Variants in CHST3 observed in about 807,000 individuals in gnomAD.
The protein encoded by CHST3 is C6ST-1.
Under a neutral mutation model 35.4 loss-of-function variants are expected in CHST3, and 20 were observed. The ratio of observed to expected loss-of-function variants is 0.57; its 90% CI spans 0.40 to 0.82. The LOEUF is 0.82. Among genes scored for constraint, CHST3 ranks in the 40% least tolerant of loss-of-function variants. The pLI is 0.00. For missense variants in CHST3, 693 were observed against 670.1 expected, an observed-to-expected ratio of 1.03 and a Z score of -0.38; for synonymous variants, 334 against 295.9, an observed-to-expected ratio of 1.13 and a Z score of -1.32.
At chr10:71,973,009 G>A (rs897314233) in intron 1 of CHST3, among the ~76,000 whole-genome samples, 8 of 152,242 alleles carry the variant, frequency 5.3e-5, no homozygotes, top group African/African-American at 1.2e-4. Flanking sequence ...TGTAGCCCCC[G>A]ACTTAGCAGT....
intron 1 of CHST3, among the ~76,000 whole-genome samples, chr10:72,003,885 A>G (rs571535766): frequency 6.6e-6 from 1 of 152,056 alleles, no homozygotes; most frequent in South Asian, 2.1e-4. Flanking sequence ...AGACCCTGTT[A>G]GATATTATCT....
intron 1 of CHST3, among the ~76,000 whole-genome samples, chr10:71,971,331 C>A (rs1293866337): frequency 6.6e-6 from 1 of 152,228 alleles, no homozygotes; most frequent in Non-Finnish European, 1.5e-5. Flanking sequence ...CGCACGTCCA[C>A]ATGTTCGTAT....
intron 1 of CHST3, among the ~76,000 whole-genome samples, chr10:71,994,283 T>A (rs921623848): frequency 1.3e-5 from 2 of 151,392 alleles, no homozygotes. Flanking sequence ...AAAAAAAAAT[T>A]AATTAATTAA....
Position 72,009,199 on chromosome 10 carries a change from G to A in CHST3, c.*728G>A, listed in dbSNP as rs1392644197. ...CTTCCTCGCTGCTTATGCCCACAGG[G>A]TTTTTCTGTATGACACACCTCAGAG... On this transcript the variant is annotated 3_prime_UTR_variant, in exon 3 of 3. Coordinates refer to ENST00000373115, the MANE Select transcript of CHST3 (RefSeq NM_004273.5). The A allele has an allele frequency of 2.0e-5, 3 of 152,232 alleles. No homozygotes were observed. Among genetic ancestry groups the A allele is most frequent in the Non-Finnish European group, 2.9e-5 (2 of 68,054 alleles). 9.4% of individuals were successfully genotyped at this position (152,232 alleles called of 1,614,324 possible).
chr10:71,965,010 G>A (rs904680662), intron 1 of CHST3, among the ~76,000 whole-genome samples: 1 of 152,188 alleles, frequency 6.6e-6, no homozygotes, highest in Non-Finnish European at 1.5e-5. Context: ...TCCTGGGAGC[G>A]CGGGGGATTT....
intron 1 of CHST3, among the ~76,000 whole-genome samples, chr10:71,967,909 C>A (rs1480711101): frequency 6.6e-6 from 1 of 151,950 alleles, no homozygotes; most frequent in Non-Finnish European, 1.5e-5. Context: ...GCAACTTCCA[C>A]CTCCCAGGTT....
intron 1 of CHST3, among the ~76,000 whole-genome samples, chr10:71,995,195 T>A (rs1326258416): frequency 1.3e-5 from 2 of 152,034 alleles, no homozygotes; most frequent in African/African-American, 2.4e-5. Context: ...GAGGCTGAGG[T>A]GGGCAGATCA....
intron 1 of CHST3, among the ~76,000 whole-genome samples, chr10:72,000,988 G>A (rs1235189134): frequency 2.6e-5 from 4 of 152,122 alleles, no homozygotes; most frequent in Non-Finnish European, 5.9e-5. Flanking sequence ...GGACGCCGTC[G>A]GGAGCATTAT....
chr10:71,997,874 G>C (rs546465693), intron 1 of CHST3, among the ~76,000 whole-genome samples: 2 of 152,038 alleles, frequency 1.3e-5, no homozygotes, highest in South Asian at 4.2e-4. Flanking sequence ...CACCATGTTG[G>C]CCAGGCTGGT....
At chr10:71,975,703 A>G (rs952537347) in intron 1 of CHST3, among the ~76,000 whole-genome samples, 4 of 152,222 alleles carry the variant, frequency 2.6e-5, no homozygotes, top group African/African-American at 9.6e-5. Context: ...GAATCAAGCC[A>G]GGGGCCCAGT....
chr10:71,977,119 C>G (rs1232401938), intron 1 of CHST3, among the ~76,000 whole-genome samples: 2 of 152,202 alleles, frequency 1.3e-5, no homozygotes, highest in Non-Finnish European at 2.9e-5. Flanking sequence ...TCCAGCTCTT[C>G]CCGAGGACTG....
chr10:72,008,316 C>T lies in CHST3; in HGVS notation c.1285C>T (p.Arg429Cys). The T allele has an allele frequency of 6.3e-7, 1 of 1,580,360 alleles. No homozygotes were observed. Among genetic ancestry groups the T allele is most frequent in the Non-Finnish European group, 8.6e-7 (1 of 1,163,708 alleles). Residue 429 changes from arginine (R) to cysteine (C), a missense_variant, in exon 3 of 3, where the codon CGC becomes TGC. Arg to Cys is a radical substitution (Grantham distance 180). Transcript: ENST00000373115. ...CTCCTCGGAGCAGTTCGAGAAGTGG[C>T]GCTTCAGCATGCCCTTCAAGCTGGC... is the stretch of plus-strand genomic sequence containing the variant. ...KNSSEQFEKW[R>C]FSMPFKLAQV...
In CHST3 at chr10:71,964,503, G is replaced by C. The variant is rs1195698425; in HGVS notation, c.-299G>C. The C allele has an allele frequency of 1.3e-5, 2 of 152,112 alleles. No individual in the cohort carries two copies. Among genetic ancestry groups the C allele is most frequent in the Admixed American group, 6.5e-5 (1 of 15,274 alleles). 9.4% of individuals were successfully genotyped at this position (152,112 alleles called of 1,614,324 possible). On this transcript the variant is annotated 5_prime_UTR_variant, in exon 1 of 3. Transcript: ENST00000373115. ...CCGCTTCCCTTCCAGCGTGCCGACC[G>C]GCCCCGCAGCGCCTCCATCCCTCCG...
At chr10:71,991,731 G>A (rs952572598) in intron 1 of CHST3, among the ~76,000 whole-genome samples, 2 of 152,040 alleles carry the variant, frequency 1.3e-5, no homozygotes, top group Non-Finnish European at 1.5e-5. Context: ...TCAGGAGTTC[G>A]AGACCACCCT....
At chr10:71,990,904 A>G (rs1223834718) in intron 1 of CHST3, among the ~76,000 whole-genome samples, 3 of 152,234 alleles carry the variant, frequency 2.0e-5, no homozygotes, top group Non-Finnish European at 2.9e-5. Context: ...GGGACGGGCT[A>G]TGCTGTAGGA....
At chr10:71,972,113 C>T (rs1180201463) in intron 1 of CHST3, among the ~76,000 whole-genome samples, 1 of 152,174 alleles carries the variant, frequency 6.6e-6, no homozygotes, top group Admixed American at 6.5e-5. Flanking sequence ...TCACCAGAAG[C>T]TCTAGAGGTG....
intron 1 of CHST3, among the ~76,000 whole-genome samples, chr10:71,972,521 C>G (rs1839705257): frequency 6.6e-6 from 1 of 152,184 alleles, no homozygotes; most frequent in Non-Finnish European, 1.5e-5. Flanking sequence ...GCTGATGCCA[C>G]TCCCCTGTGC....
chr10:72,002,098 C>T (rs1451611928), intron 1 of CHST3, among the ~76,000 whole-genome samples: 1 of 152,156 alleles, frequency 6.6e-6, no homozygotes, highest in Non-Finnish European at 1.5e-5. Context: ...CCTCTCTCAC[C>T]TGCCTGCCCA....
intron 1 of CHST3, among the ~76,000 whole-genome samples, chr10:72,000,988 G>C (rs1235189134): frequency 6.6e-6 from 1 of 152,122 alleles, no homozygotes; most frequent in East Asian, 1.9e-4. Flanking sequence ...GGACGCCGTC[G>C]GGAGCATTAT....
Sources: allele counts gnomAD v4.1 joint callset (sites outside exome capture counted in the v4.1 genomes callset), GRCh38; gene constraint gnomAD v4.1.1; transcripts MANE v1.5; gene names NCBI Gene and HGNC (gene_info 2026-07-23, HGNC 2026-07-21).